ZMPSTE24: variants seen among roughly 807,000 people sequenced by gnomAD.
ZMPSTE24 encodes zinc metallopeptidase STE24.
A neutral mutation model predicts 56.7 loss-of-function variants in ZMPSTE24; 48 were observed. The observed-to-expected ratio is 0.85, with a 90% CI of 0.67 to 1.08. The LOEUF is 1.08. ZMPSTE24 is among the 50% of genes least tolerant of loss of function. The pLI is 0.00. For missense variants in ZMPSTE24, 503 were observed against 548.7 expected (o/e 0.92, Z 0.83); for synonymous variants, 172 against 195.2 (o/e 0.88, Z 0.99).
intron 8 of ZMPSTE24, 71 bp from the exon 9 acceptor site, chr1:40,290,783 T>C: frequency 6.3e-7 from 1 of 1,578,878 alleles, no homozygotes; most frequent in Non-Finnish European, 8.7e-7. Context: ...TCTTATACTT[T>C]ATGGATGCTA....
intron 7 of ZMPSTE24, 124 bp downstream of exon 7, chr1:40,281,651 A>G (rs769429738): frequency 1.1e-5 from 11 of 1,016,470 alleles, no homozygotes; most frequent in South Asian, 2.9e-5. Flanking sequence ...GATGAAAACC[A>G]TGGCTCCTTT....
Position 40,259,191 on chromosome 1 carries a change from A to C in ZMPSTE24, c.123+797A>C, listed in dbSNP as rs140872721. 3.9e-5 allele frequency among the ~76,000 whole-genome samples: 6 copies of C among 152,340 alleles called. No homozygotes were observed. The East Asian group carries it at 1.2e-3, about 29-fold the overall frequency. On this transcript the variant is annotated intron_variant, in intron 1 of 9. Coordinates refer to ENST00000372759, the MANE Select transcript of ZMPSTE24 (RefSeq NM_005857.5). The stretch of plus-strand genomic sequence containing the variant: ...ATAAATAAATGAAATTAAATGAAAT[A>C]TATTTCTCGTTTTTCATAAAATCAA...
At chr1:40,281,299 A>G (rs1047367561) in intron 6 of ZMPSTE24, 44 bp from the exon 7 acceptor site, 14 of 1,606,276 alleles carry the variant, frequency 8.7e-6, no homozygotes, top group East Asian at 2.2e-5. Context: ...AAGGACCCCA[A>G]ACTTTTTAAT....
chr1:40,258,872 A>T (rs772640045), intron 1 of ZMPSTE24, among the ~76,000 whole-genome samples: 6 of 152,144 alleles, frequency 3.9e-5, no homozygotes, highest in Non-Finnish European at 8.8e-5. Flanking sequence ...CAAAAAACTT[A>T]TCGGGCCCGG....
intron 1 of ZMPSTE24, 31 bp downstream of exon 1, chr1:40,258,425 C>T (rs3765484): frequency 3.0e-5 from 49 of 1,613,530 alleles, no homozygotes; most frequent in Non-Finnish European, 4.1e-5. Flanking sequence ...ACCTGACCCC[C>T]ATACCCGGCC....
At chr1:40,290,091 T>C (rs1375303167) in intron 8 of ZMPSTE24, among the ~76,000 whole-genome samples, 1 of 152,058 alleles carries the variant, frequency 6.6e-6, no homozygotes, top group African/African-American at 2.4e-5. Context: ...AAAGTGAAAC[T>C]AAAAACTACT....
In ZMPSTE24 at chr1:40,272,029, G is replaced by C; in HGVS notation, c.763G>C (p.Val255Leu). The stretch of plus-strand genomic sequence containing the variant: ...CTTTCCTTTGACGAAGGTGTATGTT[G>C]TGGAAGGTAAGGCTACCTGGGGATA... ...IDFPLTKVYVVEGSKRSSHSN... is the reference protein window; with the variant it reads ...IDFPLTKVYVLEGSKRSSHSN... The change falls in exon 6 of 10, where the codon GTG becomes CTG. Residue 255 changes from valine to leucine, a missense_variant. By Grantham distance (32) the Val-to-Leu change is conservative (BLOSUM62 1). Transcript: ENST00000372759. 6.2e-7 allele frequency: 1 copy of C among 1,606,418 alleles called. No homozygotes were observed. The highest frequency in any genetic ancestry group is 8.5e-7 in the Non-Finnish European group (1 of 1,175,838).
intron 5 of ZMPSTE24, 116 bp from the exon 6 acceptor site, chr1:40,271,778 C>T: frequency 8.6e-7 from 1 of 1,159,006 alleles, no homozygotes; most frequent in Non-Finnish European, 1.2e-6. Context: ...CAAGTAAGTT[C>T]CTTGTTCTCA....
intron 4 of ZMPSTE24, 124 bp from the exon 5 acceptor site, chr1:40,269,851 T>C (rs1569629765): frequency 1.8e-6 from 2 of 1,103,250 alleles, no homozygotes; most frequent in East Asian, 4.9e-5. Context: ...TCATATAATA[T>C]AGTTTCACTG....
In ZMPSTE24 at chr1:40,258,402, T is replaced by C. The variant is rs1643460399; in HGVS notation, c.123+8T>C. ...TTCCTAGCACAGCGGCAGGTGAGCC[T>C]AGACAGGGTCCAACCTGACCCCCAT... On this transcript the variant is annotated splice_region_variant and intron_variant, in intron 1 of 9. Coordinates refer to ENST00000372759, the MANE Select transcript of ZMPSTE24 (RefSeq NM_005857.5). 1 of 1,613,962 alleles carries C rather than the reference T, an allele frequency of 6.2e-7. No individual in the cohort carries two copies. Among genetic ancestry groups the C allele is most frequent in the African/African-American group, 1.3e-5 (1 of 75,040 alleles).
At chr1:40,269,610 A>C (rs1643592921) in intron 4 of ZMPSTE24, among the ~76,000 whole-genome samples, 1 of 151,944 alleles carries the variant, frequency 6.6e-6, no homozygotes, top group Non-Finnish European at 1.5e-5. Context: ...TAGATGAATT[A>C]TACTACACTG....
intron 2 of ZMPSTE24, chr1:40,262,870 T>A: frequency 1.7e-6 from 2 of 1,170,212 alleles, no homozygotes; most frequent in South Asian, 3.7e-5. Context: ...CAACACTACC[T>A]GAAGAAGTAA....
In ZMPSTE24 at chr1:40,292,551, A is replaced by C. The variant is rs1418206641; in HGVS notation, c.1310A>C (p.Lys437Thr). Residue 437 changes from lysine to threonine, a missense_variant, in exon 10 of 10, where the codon AAA becomes ACA. Coordinates refer to ENST00000372759, the MANE Select transcript of ZMPSTE24 (RefSeq NM_005857.5). ...KAKDLYSALI[K>T]LNKDNLGFPV... ...AAAGACTTATATTCTGCTTTAATCA[A>C]ACTTAACAAAGATAACTTGGGATTC... 1 of 1,614,152 alleles carries C rather than the reference A, an allele frequency of 6.2e-7. No individual in the cohort carries two copies. The highest frequency in any genetic ancestry group is 8.5e-7 in the Non-Finnish European group (1 of 1,180,024).
At chr1:40,265,142 A>T (rs2124578776) in intron 2 of ZMPSTE24, among the ~76,000 whole-genome samples, 1 of 152,308 alleles carries the variant, frequency 6.6e-6, no homozygotes, top group East Asian at 1.9e-4. Context: ...AATTCATATT[A>T]AAACTACCCT....
intron 8 of ZMPSTE24, among the ~76,000 whole-genome samples, chr1:40,288,564 T>C (rs371231936): frequency 1.3e-5 from 2 of 152,220 alleles, no homozygotes; most frequent in African/African-American, 4.8e-5. Flanking sequence ...ACTCCATCTT[T>C]GTCGCTGTGG....
At chr1:40,272,539 A>G (rs1248360508) in intron 6 of ZMPSTE24, among the ~76,000 whole-genome samples, 1 of 152,228 alleles carries the variant, frequency 6.6e-6, no homozygotes, top group Non-Finnish European at 1.5e-5. Context: ...CAAAGACTGC[A>G]GTACCACTGA....
At chr1:40,289,059 G>C (rs1643813303) in intron 8 of ZMPSTE24, among the ~76,000 whole-genome samples, 1 of 152,088 alleles carries the variant, frequency 6.6e-6, no homozygotes, top group Admixed American at 6.6e-5. Context: ...TTGTAAAATA[G>C]GCTCTGATTT....
At chr1:40,280,154 G>A (rs1643713068) in intron 6 of ZMPSTE24, among the ~76,000 whole-genome samples, 1 of 152,020 alleles carries the variant, frequency 6.6e-6, no homozygotes, top group Non-Finnish European at 1.5e-5. Flanking sequence ...TAGAATGGTC[G>A]ACATTGAGTT....
At chr1:40,284,736 G>T (rs1557781014) in intron 7 of ZMPSTE24, among the ~76,000 whole-genome samples, 2 of 152,086 alleles carry the variant, frequency 1.3e-5, no homozygotes, top group Non-Finnish European at 2.9e-5. Context: ...TGGGCAACAA[G>T]AGTGAAACTC....
Sources: allele counts gnomAD v4.1 joint callset (sites outside exome capture counted in the v4.1 genomes callset), GRCh38; gene constraint gnomAD v4.1.1; transcripts MANE v1.5; gene names NCBI Gene and HGNC (gene_info 2026-07-23, HGNC 2026-07-21).